SNTG1: variants seen among roughly 807,000 people sequenced by gnomAD.
SNTG1 encodes gamma-1-syntrophin.
SNTG1 carries 39 observed loss-of-function variants against 74.7 expected under a neutral mutation model. The ratio of observed to expected loss-of-function variants is 0.52; its 90% CI spans 0.40 to 0.68. The LOEUF is 0.68. SNTG1 is among the 30% of genes least tolerant of loss of function. The pLI is 0.00. For synonymous variants in SNTG1, 254 were observed against 217.1 expected, an observed-to-expected ratio of 1.17 and a Z score of -1.49; for missense variants, 685 against 609.5, an observed-to-expected ratio of 1.12 and a Z score of -1.30.
At chr8:50,093,702 A>G (rs2079827150) in intron 1 of SNTG1, among the ~76,000 whole-genome samples, 1 of 152,178 alleles carries the variant, frequency 6.6e-6, no homozygotes, top group Admixed American at 6.6e-5. Context: ...TATAAAGTAT[A>G]GGGGCAGTTG....
intron 3 of SNTG1, among the ~76,000 whole-genome samples, chr8:50,394,938 T>G (rs995213708): frequency 6.6e-6 from 1 of 152,056 alleles, no homozygotes; most frequent in Non-Finnish European, 1.5e-5. Flanking sequence ...TTAAAAATGT[T>G]TTATATTTGT....
chr8:50,032,521 T>C (rs1305150126), intron 1 of SNTG1, among the ~76,000 whole-genome samples: 1 of 152,166 alleles, frequency 6.6e-6, no homozygotes, highest in Non-Finnish European at 1.5e-5. Flanking sequence ...TGCAAATTTC[T>C]CTAGGGACCA....
chr8:49,926,779 G>A (rs1807065967), intron 1 of SNTG1, among the ~76,000 whole-genome samples: 1 of 152,014 alleles, frequency 6.6e-6, no homozygotes. Flanking sequence ...TCTGTGAAAG[G>A]CAATGTCAAG....
intron 13 of SNTG1, among the ~76,000 whole-genome samples, chr8:50,635,218 C>T (rs2131137376): frequency 6.6e-6 from 1 of 152,258 alleles, no homozygotes; most frequent in African/African-American, 2.4e-5. Flanking sequence ...CCCTGGGACT[C>T]AATACCTGTC....
At chr8:50,627,526 A>G (rs2094964608) in intron 13 of SNTG1, among the ~76,000 whole-genome samples, 1 of 152,080 alleles carries the variant, frequency 6.6e-6, no homozygotes, top group African/African-American at 2.4e-5. Context: ...TGAGGGATAA[A>G]TTTTTGTTCT....
chr8:50,474,481 C>T (rs1251525633), intron 8 of SNTG1, among the ~76,000 whole-genome samples: 1 of 151,968 alleles, frequency 6.6e-6, no homozygotes, highest in African/African-American at 2.4e-5. Context: ...AAAAAATGCT[C>T]ATCATCACTG....
rs191306352 is a variant in SNTG1, at chr8:49,928,301, G to A, written c.-103+16070G>A. Among the ~76,000 whole-genome samples the A allele has an allele frequency of 5.5e-3, 827 of 151,346 alleles. 11 individuals are homozygous for A. Among genetic ancestry groups the A allele is most frequent in the African/African-American group, 0.019 (769 of 41,296 alleles). ...GGAGTGCAGTGGTGTGATATCAGCC[G>A]CTCATTGCAACCTCTGCCTCCTGGG... On this transcript the variant is annotated intron_variant, in intron 1 of 18. Transcript: ENST00000642720.
chr8:50,658,643 A>T lies in SNTG1; in HGVS notation c.1018A>T (p.Ile340Phe). 1 of 1,610,654 alleles carries T rather than the reference A, an allele frequency of 6.2e-7. No individual in the cohort carries two copies. Among genetic ancestry groups the T allele is most frequent in the Non-Finnish European group, 8.5e-7 (1 of 1,177,654 alleles). ...RAEKTFSVYE[I>F]MCKILKDSDL... Reference sequence around the variant, plus strand: ...AGAGAAAACATTCTCAGTTTATGAGATTATGTGCAAGATCCTCAAGGTATG... The same window carrying T: ...AGAGAAAACATTCTCAGTTTATGAGTTTATGTGCAAGATCCTCAAGGTATG... The change falls in exon 15 of 19, where the codon ATT (isoleucine) becomes TTT (phenylalanine). Residue 340 changes from isoleucine (I) to phenylalanine (F), a missense_variant. Coordinates refer to ENST00000642720, the MANE Select transcript of SNTG1 (RefSeq NM_018967.5).
chr8:50,351,608 T>C (rs1010769545), intron 2 of SNTG1, among the ~76,000 whole-genome samples: 2 of 152,114 alleles, frequency 1.3e-5, no homozygotes, highest in African/African-American at 4.8e-5. Context: ...AAAACACACA[T>C]GCTGGAGTAA....
At chr8:50,464,748 A>G (rs916271384) in intron 8 of SNTG1, among the ~76,000 whole-genome samples, 1 of 152,048 alleles carries the variant, frequency 6.6e-6, no homozygotes, top group Admixed American at 6.6e-5. Context: ...CAAAAAACAA[A>G]CAAACAAACA....
chr8:50,598,246 G>A (rs1417097477), intron 13 of SNTG1, among the ~76,000 whole-genome samples: 1 of 151,748 alleles, frequency 6.6e-6, no homozygotes, highest in African/African-American at 2.4e-5. Context: ...AAGTCTTTAA[G>A]ACATTTTGAT....
rs1279366029 is a variant in SNTG1 at position 50,197,520 on chromosome 8, G to GAA, written c.-28+24885_-28+24886insAA. Among the ~76,000 whole-genome samples, 1,241 of 152,184 alleles carry GAA rather than the reference G, an allele frequency of 8.2e-3. 22 individuals carry two copies. The highest frequency in any genetic ancestry group is 0.029 in the African/African-American group (1,191 of 41,530). On this transcript the variant is annotated intron_variant, in intron 2 of 18. Transcript: ENST00000642720. ...ACTTTGAGATTGCATCCAGGGCCTT[G>GAA]TCATCACAGGATAACACCAGAATGA...
chr8:50,774,806 C>A (rs984647335), intron 18 of SNTG1, among the ~76,000 whole-genome samples: 2 of 151,332 alleles, frequency 1.3e-5, no homozygotes, highest in Non-Finnish European at 3.0e-5. Context: ...ACAATAATAA[C>A]CCAAAGAAGT....
chr8:50,449,025 C>T lies in SNTG1; in HGVS notation c.220-643C>T, dbSNP rs576399159. Among the ~76,000 whole-genome samples, 20 of 151,804 alleles carry T rather than the reference C, an allele frequency of 1.3e-4. No homozygotes were observed. The East Asian group carries it at 2.5e-3, about 19-fold the overall frequency. On this transcript the variant is annotated intron_variant, in intron 5 of 18. Coordinates refer to ENST00000642720, the MANE Select transcript of SNTG1 (RefSeq NM_018967.5). ...CCTGGGCAACAGAGCGAGTCTCCTC[C>T]GTCTCAAAAAATAAAATAAATAAAT...
chr8:50,149,210 T>C lies in SNTG1; in HGVS notation c.-102-23351T>C, dbSNP rs184616802. Among the ~76,000 whole-genome samples, 847 of 152,364 alleles carry C rather than the reference T, an allele frequency of 5.6e-3. 6 individuals carry two copies. The highest frequency in any genetic ancestry group is 0.019 in the African/African-American group (791 of 41,586). On this transcript the variant is annotated intron_variant, in intron 1 of 18. Coordinates refer to ENST00000642720, the MANE Select transcript of SNTG1 (RefSeq NM_018967.5). ...TCTTCTTTTGAGAAGTGTCTGTTCA[T>C]ATCCTTCACCCACTTTTTGATGGGG...
chr8:50,705,984 A>G (rs1333457740), intron 16 of SNTG1, among the ~76,000 whole-genome samples: 1 of 152,260 alleles, frequency 6.6e-6, no homozygotes, highest in African/African-American at 2.4e-5. Context: ...AGCATTGACT[A>G]TACTGGAATG....
chr8:50,752,075 G>A lies in SNTG1; in HGVS notation c.1359G>A (p.Leu453=). 6.4e-7 allele frequency: 1 copy of A among 1,566,108 alleles called. No individual in the cohort carries two copies. Among genetic ancestry groups the A allele is most frequent in the South Asian group, 1.2e-5 (1 of 83,710 alleles). ...SDDGKSKIKF[L]FQNPDTKQIE... ...ATGGCAAGAGCAAAATCAAATTTTT[G>A]TTTCAGAATCCAGATACTAAACAGA... The change falls in exon 18 of 19, where the codon TTG becomes TTA. Residue 453 remains leucine, a synonymous_variant. Transcript: ENST00000642720.
At chr8:50,280,854 G>A (rs1373533027) in intron 2 of SNTG1, among the ~76,000 whole-genome samples, 1 of 151,804 alleles carries the variant, frequency 6.6e-6, no homozygotes, top group African/African-American at 2.4e-5. Flanking sequence ...ATCCATTCAG[G>A]ATAAGAAAAG....
intron 12 of SNTG1, among the ~76,000 whole-genome samples, chr8:50,577,628 T>G (rs193065961): frequency 6.6e-6 from 1 of 152,120 alleles, no homozygotes; most frequent in Non-Finnish European, 1.5e-5. Flanking sequence ...ATAAAATACA[T>G]TTTTAGAAAA....
Sources: gnomAD v4.1 joint callset for allele counts (sites outside exome capture counted in the v4.1 genomes callset) on GRCh38, gnomAD v4.1.1 for gene constraint, MANE v1.5 for transcripts, NCBI Gene and HGNC (gene_info 2026-07-23, HGNC 2026-07-21) for gene names.